The following ABCG2 variants were observed in gnomAD, a reference collection of about 807,000 sequenced individuals.
The protein encoded by ABCG2 is broad substrate specificity ATP-binding cassette transporter ABCG2.
A neutral mutation model predicts 73.5 loss-of-function variants in ABCG2; 80 were observed. The observed-to-expected ratio is 1.09, with a 90% confidence interval of 0.91 to 1.31. The LOEUF (loss-of-function observed/expected upper bound fraction) is 1.31. ABCG2 is among the 50% of genes most tolerant of loss of function. ABCG2 has a pLI of 0.00. For synonymous variants in ABCG2, 269 were observed against 282.4 expected (o/e 0.95, Z 0.48); for missense variants, 796 against 786.2 (o/e 1.01, Z -0.15).
intron 1 of ABCG2, among the ~76,000 whole-genome samples, chr4:88,195,466 C>A (rs1289733152): frequency 6.6e-6 from 1 of 152,060 alleles, no homozygotes; most frequent in Non-Finnish European, 1.5e-5. Context: ...TCACGTGGCA[C>A]CAAAATATGT....
intron 13 of ABCG2, among the ~76,000 whole-genome samples, chr4:88,097,000 C>T (rs1204812148): frequency 6.6e-6 from 1 of 151,996 alleles, no homozygotes; most frequent in Non-Finnish European, 1.5e-5. Flanking sequence ...AACAAGCTAG[C>T]AGTTCAATGC....
intron 1 of ABCG2, among the ~76,000 whole-genome samples, chr4:88,158,142 C>T (rs770273612): frequency 1.3e-5 from 2 of 152,138 alleles, no homozygotes; most frequent in Non-Finnish European, 2.9e-5. Flanking sequence ...AGAGTTTTTA[C>T]CAACCCACAC....
chr4:88,187,220 T>C (rs1476598570), intron 1 of ABCG2, among the ~76,000 whole-genome samples: 1 of 151,660 alleles, frequency 6.6e-6, no homozygotes, highest in Non-Finnish European at 1.5e-5. Context: ...TAAGATCTAG[T>C]ATTTGATAGC....
chr4:88,202,366 A>ATATATATATATATATATATG (rs1456537532), intron 1 of ABCG2, among the ~76,000 whole-genome samples: 1 of 122,970 alleles, frequency 8.1e-6, no homozygotes, highest in African/African-American at 3.0e-5. Context: ...ATATATATAT[A>ATATATATATATATATATATG]TATATATATA....
intron 1 of ABCG2, among the ~76,000 whole-genome samples, chr4:88,167,979 G>A (rs1287226086): frequency 6.6e-6 from 1 of 151,714 alleles, no homozygotes; most frequent in Non-Finnish European, 1.5e-5. Context: ...TAATCTTGGA[G>A]AGACGAGAAA....
intron 1 of ABCG2, among the ~76,000 whole-genome samples, chr4:88,206,104 T>C (rs1270173021): frequency 1.3e-5 from 2 of 152,222 alleles, no homozygotes; most frequent in Admixed American, 6.5e-5. Flanking sequence ...TCTAGAACTA[T>C]CAAACTCTTT....
upstream of ABCG2, chr4:88,158,699 CG>C (rs1376492241): frequency 4.4e-6 from 2 of 454,372 alleles, no homozygotes; most frequent in Non-Finnish European, 8.8e-6. Context: ...AGCCCGCGCG[CG>C]GCACAACCCC....
chr4:88,177,169 G>A (rs1728027084), intron 1 of ABCG2, among the ~76,000 whole-genome samples: 1 of 152,024 alleles, frequency 6.6e-6, no homozygotes, highest in Non-Finnish European at 1.5e-5. Context: ...TCAGGAGATC[G>A]AGACCATTCT....
chr4:88,211,358 G>GCCCCCGCC (rs1264405228), intron 1 of ABCG2, among the ~76,000 whole-genome samples: 3 of 33,648 alleles, frequency 8.9e-5, no homozygotes, highest in Non-Finnish European at 1.7e-4. Flanking sequence ...TTCAACCCCT[G>GCCCCCGCC]CCCCACCCCC....
intron 1 of ABCG2, among the ~76,000 whole-genome samples, chr4:88,164,548 A>T (rs1161928118): frequency 6.6e-6 from 1 of 152,040 alleles, no homozygotes; most frequent in Admixed American, 6.6e-5. Flanking sequence ...CCGCCATGTG[A>T]AGAAGGATGT....
At chr4:88,197,573 C>T (rs191119719) in intron 1 of ABCG2, among the ~76,000 whole-genome samples, 8 of 152,168 alleles carry the variant, frequency 5.3e-5, no homozygotes, top group Admixed American at 2.6e-4. Context: ...GCAGTGATCA[C>T]GCGACTGCAC....
At chr4:88,143,012 A>AT (rs1237347735) in intron 1 of ABCG2, among the ~76,000 whole-genome samples, 7 of 152,184 alleles carry the variant, frequency 4.6e-5, no homozygotes, top group Non-Finnish European at 8.8e-5. Flanking sequence ...CATATACAGA[A>AT]TTTTTTCATC....
chr4:88,117,917 T>A (rs749999561), intron 7 of ABCG2, among the ~76,000 whole-genome samples, 192 bp downstream of exon 7: 1 of 152,062 alleles, frequency 6.6e-6, no homozygotes, highest in Non-Finnish European at 1.5e-5. Flanking sequence ...ACAAGAAAGA[T>A]ACCTAAATAA....
At chr4:88,195,602 T>C (rs1728911141) in intron 1 of ABCG2, among the ~76,000 whole-genome samples, 1 of 152,072 alleles carries the variant, frequency 6.6e-6, no homozygotes. Flanking sequence ...GGAGTAAAAG[T>C]TTATCAAAAA....
chr4:88,201,975 T>A (rs965221793), intron 1 of ABCG2, among the ~76,000 whole-genome samples: 4 of 152,112 alleles, frequency 2.6e-5, no homozygotes, highest in Admixed American at 2.0e-4. Flanking sequence ...GAAGAAATTC[T>A]GATTTAATTG....
At chr4:88,098,361 A>G (rs1722125588) in intron 12 of ABCG2, among the ~76,000 whole-genome samples, 1 of 152,106 alleles carries the variant, frequency 6.6e-6, no homozygotes, top group African/African-American at 2.4e-5. Flanking sequence ...TCAGTGAAAT[A>G]TATGGAAATC....
At chr4:88,149,573 C>T (rs761173388) in intron 1 of ABCG2, among the ~76,000 whole-genome samples, 7 of 152,164 alleles carry the variant, frequency 4.6e-5, no homozygotes, top group Middle Eastern at 6.3e-3. Flanking sequence ...TTAATTCGGC[C>T]GGGCATGGTG....
At chr4:88,141,719 T>A (rs1725655185) in intron 1 of ABCG2, among the ~76,000 whole-genome samples, 1 of 152,278 alleles carries the variant, frequency 6.6e-6, no homozygotes, top group South Asian at 2.1e-4. Context: ...GCTGCCTGAT[T>A]CACGAATCAT....
chr4:88,213,013 C>T (rs1183943288), intron 1 of ABCG2, among the ~76,000 whole-genome samples: 1 of 152,112 alleles, frequency 6.6e-6, no homozygotes, highest in Non-Finnish European at 1.5e-5. Flanking sequence ...ATGATCTTCC[C>T]ACCTCAGCCT....
Sources: gnomAD v4.1 joint callset for allele counts (sites outside exome capture counted in the v4.1 genomes callset) on GRCh38, gnomAD v4.1.1 for gene constraint, MANE v1.5 for transcripts, NCBI Gene and HGNC (gene_info 2026-07-23, HGNC 2026-07-21) for gene names.